Variants in FRAS1 observed in about 807,000 individuals in gnomAD.
FRAS1 encodes the protein extracellular matrix organizing protein FRAS1.
In FRAS1, 290 loss-of-function variants were observed where a neutral mutation model predicts 435.2. That is an observed-to-expected ratio of 0.67 (90% CI 0.61 to 0.73). The LOEUF (loss-of-function observed/expected upper bound fraction) is 0.73. Ranked by LOEUF, FRAS1 falls within the 30% of genes least tolerant of loss-of-function variation. The pLI is 0.00. For missense variants in FRAS1, 4,860 were observed against 5,001.5 expected (o/e 0.97, Z 0.85); for synonymous variants, 1,800 against 1,851.0 (o/e 0.97, Z 0.71).
intron 2 of FRAS1, among the ~76,000 whole-genome samples, chr4:78,121,328 C>T (rs1238801625): frequency 2.6e-5 from 4 of 152,132 alleles, no homozygotes; most frequent in Non-Finnish European, 5.9e-5. Flanking sequence ...GATATTTAAT[C>T]TTTTCTGGGG....
chr4:78,089,991 G>A (rs540607791), intron 2 of FRAS1, among the ~76,000 whole-genome samples: 1 of 152,138 alleles, frequency 6.6e-6, no homozygotes, highest in Admixed American at 6.5e-5. Flanking sequence ...CTGTCCCTAT[G>A]TTACGAACTT....
chr4:78,464,722 A>G, intron 49 of FRAS1, 139 bp downstream of exon 49: 1 of 867,490 alleles, frequency 1.2e-6, no homozygotes, highest in Non-Finnish European at 1.7e-6. Flanking sequence ...ATTAAAATAC[A>G]GAAGATACCA....
At chr4:78,119,390 T>C (rs1263849296) in intron 2 of FRAS1, among the ~76,000 whole-genome samples, 2 of 152,184 alleles carry the variant, frequency 1.3e-5, no homozygotes, top group Admixed American at 1.3e-4. Flanking sequence ...TTGACTTCTA[T>C]GAGATAAACT....
intron 2 of FRAS1, among the ~76,000 whole-genome samples, chr4:78,112,119 T>C (rs1442487626): frequency 1.3e-5 from 2 of 152,146 alleles, no homozygotes; most frequent in Non-Finnish European, 2.9e-5. Flanking sequence ...TTTCATATCA[T>C]GAATCTAAAT....
chr4:78,089,770 T>G lies in FRAS1; in HGVS notation c.108+23754T>G, dbSNP rs377308847. Among the ~76,000 whole-genome samples the G allele has an allele frequency of 1.3e-4, 20 of 152,262 alleles. No individual in the cohort carries two copies. In the South Asian group the frequency reaches 3.9e-3, roughly 30 times the overall value. On this transcript the variant is annotated intron_variant, in intron 2 of 73. Transcript: ENST00000512123. ...TTTTCTTTTCTTTTTTAACTTTTAT[T>G]TTAGGTTCAAGGCTACATGTGCAAG...
chr4:78,460,725 A>T (rs1719345252), intron 47 of FRAS1, among the ~76,000 whole-genome samples: 1 of 152,260 alleles, frequency 6.6e-6, no homozygotes, highest in South Asian at 2.1e-4. Context: ...ATGTTACTGT[A>T]CTGAATACTG....
rs345528 is a variant in FRAS1 at position 78,308,148 on chromosome 4, A to G, written c.1617A>G (p.Arg539=). ...GCAGAGATCCCCTCCACGTGCTGAG[A>G]GATGGCGGCTGTGAGAGCAGCTGTG... The part of the protein sequence containing the change: ...LACRDPLHVL[R]DGGCESSCGK... The change falls in exon 15 of 74, where the codon AGA becomes AGG. Residue 539 remains arginine (R), a synonymous_variant. Transcript: ENST00000512123. 0.025 allele frequency: 40,297 copies of G among 1,613,728 alleles called. 5,553 individuals carry two copies. In the African/African-American group the frequency reaches 0.37, roughly 15 times the overall value.
intron 19 of FRAS1, among the ~76,000 whole-genome samples, chr4:78,336,266 C>T (rs2110263808): frequency 6.6e-6 from 1 of 152,252 alleles, no homozygotes; most frequent in South Asian, 2.1e-4. Context: ...CTGTCAAGCT[C>T]AGTGGGGGAA....
At chr4:78,075,312 A>G (rs932558574) in intron 2 of FRAS1, among the ~76,000 whole-genome samples, 13 of 152,276 alleles carry the variant, frequency 8.5e-5, no homozygotes, top group African/African-American at 3.1e-4. Flanking sequence ...TAGGGGAGAA[A>G]GATGGGAGAC....
intron 17 of FRAS1, 134 bp downstream of exon 17, chr4:78,317,642 A>G (rs2110235668): frequency 2.5e-6 from 2 of 809,496 alleles, no homozygotes; most frequent in East Asian, 6.1e-5. Flanking sequence ...CATTATATGC[A>G]TTTTTCATTA....
chr4:78,243,069 C>T (rs1428590666), intron 3 of FRAS1, among the ~76,000 whole-genome samples: 2 of 152,126 alleles, frequency 1.3e-5, no homozygotes, highest in Non-Finnish European at 2.9e-5. Context: ...AATATGTCTG[C>T]ACAAAAGACA....
At chr4:78,095,077 A>G (rs553975856) in intron 2 of FRAS1, among the ~76,000 whole-genome samples, 28 of 152,330 alleles carry the variant, frequency 1.8e-4, no homozygotes, top group African/African-American at 6.5e-4. Flanking sequence ...AAAAATCACA[A>G]TAATAAAAGC....
Position 78,527,605 on chromosome 4 carries a change from G to A in FRAS1, c.10925+948G>A, listed in dbSNP as rs76436888. ...AGACTGAGAATTGGCTATTGGATTCGTCAATACTGAGGTCATTGGTGAACT... is the reference window on the plus strand; with the variant it reads ...AGACTGAGAATTGGCTATTGGATTCATCAATACTGAGGTCATTGGTGAACT... On this transcript the variant is annotated intron_variant, in intron 70 of 73. Transcript: ENST00000512123. 8.5e-3 allele frequency among the ~76,000 whole-genome samples: 1,291 copies of A among 152,226 alleles called. 16 individuals carry two copies. The highest frequency in any genetic ancestry group is 0.03 in the African/African-American group (1,229 of 41,550).
intron 2 of FRAS1, among the ~76,000 whole-genome samples, chr4:78,134,212 A>G (rs1196131887): frequency 6.6e-6 from 1 of 151,818 alleles, no homozygotes; most frequent in Non-Finnish European, 1.5e-5. Context: ...GAGAAGGCCA[A>G]CTCTGCTTCC....
intron 4 of FRAS1, among the ~76,000 whole-genome samples, chr4:78,246,165 A>G (rs961974645): frequency 7.2e-5 from 11 of 152,230 alleles, no homozygotes; most frequent in African/African-American, 2.7e-4. Context: ...CTTCATTGAT[A>G]TGTAAATGTT....
intron 2 of FRAS1, among the ~76,000 whole-genome samples, chr4:78,116,757 A>G (rs1320648065): frequency 1.3e-5 from 2 of 152,164 alleles, no homozygotes; most frequent in Non-Finnish European, 2.9e-5. Context: ...TGAATACAGC[A>G]CACTGATTGG....
At position 78,522,827 on chromosome 4, in the gene FRAS1, G is replaced by A. The variant is rs377751457; in HGVS notation, c.10808+19G>A. 1.4e-4 allele frequency: 218 copies of A among 1,581,388 alleles called. 1 individual carries two copies. The African/African-American group carries it at 2.6e-3, about 19-fold the overall frequency. On this transcript the variant is annotated intron_variant, in intron 69 of 73. Transcript: ENST00000512123. The stretch of plus-strand genomic sequence containing the variant: ...ATAACAGGTAAATACAGTGATGGAG[G>A]CCTCCATGGGTAGAGCTGAATGGTT...
At position 78,440,017 on chromosome 4, in the gene FRAS1, CTTTTTTTTTTTT is replaced by C. The variant is rs1163344254; in HGVS notation, c.5529+966_5529+977del. ...GAAAATTCATAAAACTAAGTCATTT[CTTTTTTTTTTTT>C]TTTTTTTTTTTTGAGACGGAGTCTC... On this transcript the variant is annotated intron_variant, in intron 40 of 73. Coordinates refer to ENST00000512123, the MANE Select transcript of FRAS1 (RefSeq NM_025074.7). Among the ~76,000 whole-genome samples the C allele has an allele frequency of 5.4e-5, 5 of 93,022 alleles. No individual in the cohort carries two copies. In the South Asian group the frequency reaches 1.1e-3, roughly 20 times the overall value. The allele number at this position is 93,022 out of a possible 152,430, so 61.0% of individuals were successfully genotyped here. A position where few individuals can be genotyped will look rare whatever the true frequency, so the allele number is the denominator to read the frequency against.
chr4:78,306,349 G>A (rs200221863), intron 14 of FRAS1, among the ~76,000 whole-genome samples: 5,994 of 148,530 alleles, frequency 0.04, 346 homozygotes, highest in African/African-American at 0.13. Flanking sequence ...TCTTGGAGTT[G>A]CTCTTCTCGA....
Sources: gnomAD v4.1 joint callset for allele counts (sites outside exome capture counted in the v4.1 genomes callset) on GRCh38, gnomAD v4.1.1 for gene constraint, MANE v1.5 for transcripts, NCBI Gene and HGNC (gene_info 2026-07-23, HGNC 2026-07-21) for gene names.